SYNPR: variants seen among roughly 807,000 people sequenced by gnomAD.
SYNPR encodes the protein synaptoporin.
SYNPR carries 23 observed loss-of-function variants against 32.9 expected under a neutral mutation model. That is an observed-to-expected ratio of 0.70 (90% CI 0.50 to 0.99). The LOEUF is 0.99. SYNPR is among the 50% of genes least tolerant of loss of function. SYNPR has a pLI of 0.00. For missense variants in SYNPR, 318 were observed against 349.3 expected, an observed-to-expected ratio of 0.91 and a Z score of 0.71; for synonymous variants, 146 against 135.9, an observed-to-expected ratio of 1.07 and a Z score of -0.52.
intron 2 of SYNPR, among the ~76,000 whole-genome samples, chr3:63,395,473 A>T (rs981952371): frequency 1.3e-5 from 2 of 152,170 alleles, no homozygotes; most frequent in African/African-American, 4.8e-5. Context: ...GCACTGTGCT[A>T]AGCACTTTAT....
intron 4 of SYNPR, among the ~76,000 whole-genome samples, chr3:63,602,309 G>A (rs575782805): frequency 7.8e-6 from 1 of 128,262 alleles, no homozygotes; most frequent in South Asian, 2.8e-4. Context: ...TGTTTACTCT[G>A]TTGATAGTTT....
intron 3 of SYNPR, among the ~76,000 whole-genome samples, chr3:63,516,453 A>C (rs1701801900): frequency 6.6e-6 from 1 of 152,160 alleles, no homozygotes; most frequent in African/African-American, 2.4e-5. Context: ...GGCCACTAGA[A>C]AACAATCACT....
chr3:63,484,295 T>C (rs1027996691), intron 3 of SYNPR, among the ~76,000 whole-genome samples: 3 of 152,174 alleles, frequency 2.0e-5, no homozygotes, highest in African/African-American at 7.2e-5. Context: ...TTTTCTCATC[T>C]GCAATAATAT....
At chr3:63,551,830 C>A (rs1702505912) in intron 3 of SYNPR, among the ~76,000 whole-genome samples, 1 of 152,038 alleles carries the variant, frequency 6.6e-6, no homozygotes, top group Admixed American at 6.6e-5. Context: ...GGCACCATTC[C>A]ATCTCTTCTT....
chr3:63,524,152 A>C (rs1413250341), intron 3 of SYNPR, among the ~76,000 whole-genome samples: 1 of 152,190 alleles, frequency 6.6e-6, no homozygotes, highest in Non-Finnish European at 1.5e-5. Flanking sequence ...TCATAAGTAG[A>C]AAGCCAGCAT....
At chr3:63,306,795 A>G (rs1337032635) in intron 2 of SYNPR, among the ~76,000 whole-genome samples, 2 of 152,024 alleles carry the variant, frequency 1.3e-5, no homozygotes, top group Admixed American at 6.6e-5. Context: ...TCAGTTTGAC[A>G]TCAACCTGGC....
chr3:63,211,755 T>C, the SYNPR span, among the ~76,000 whole-genome samples: 1 of 147,054 alleles, frequency 6.8e-6, no homozygotes, highest in Non-Finnish European at 1.5e-5. Flanking sequence ...CATGTGCACA[T>C]TGTGCAGGTT....
At chr3:63,610,560 T>G in intron 5 of SYNPR, 1 of 689,952 alleles carries the variant, frequency 1.4e-6, no homozygotes, top group Non-Finnish European at 2.6e-6. Flanking sequence ...TTTGGTGAGA[T>G]AGTAACCATG....
chr3:63,445,099 T>C (rs1700250303), intron 2 of SYNPR, among the ~76,000 whole-genome samples: 2 of 152,060 alleles, frequency 1.3e-5, no homozygotes, highest in African/African-American at 2.4e-5. Context: ...TAATATTTTA[T>C]ATAATATATT....
chr3:63,327,088 A>C (rs150772778), intron 2 of SYNPR, among the ~76,000 whole-genome samples: 3 of 152,206 alleles, frequency 2.0e-5, no homozygotes, highest in African/African-American at 7.2e-5. Context: ...ATTACTAACT[A>C]TGTAAAAGTT....
At chr3:63,493,815 C>CAAAAAAAAAA (rs3083190) in intron 3 of SYNPR, among the ~76,000 whole-genome samples, 1 of 75,094 alleles carries the variant, frequency 1.3e-5, no homozygotes, top group African/African-American at 5.5e-5. Context: ...GACTCTGTCT[C>CAAAAAAAAAA]AAAAAAAAAA....
rs539839405 is a variant in SYNPR, at chr3:63,264,735, A to C, written n.155-2582A>C. Among the ~76,000 whole-genome samples, 3 of 152,214 alleles carry C rather than the reference A, an allele frequency of 2.0e-5. No homozygotes were observed. The East Asian group carries it at 5.8e-4, about 29-fold the overall frequency. Reference sequence around the variant, plus strand: ...AGGTTCAATTGACTCACAGTTCTGCATGGCTGTGGAGGCCTCAGGAAACTT... The same window carrying C: ...AGGTTCAATTGACTCACAGTTCTGCCTGGCTGTGGAGGCCTCAGGAAACTT... On this transcript the variant is annotated intron_variant and non_coding_transcript_variant, in intron 2 of 4. Coordinates refer to the SYNPR transcript ENST00000478456.
At chr3:63,209,250 G>A in the SYNPR span, among the ~76,000 whole-genome samples, 5 of 150,564 alleles carry the variant, frequency 3.3e-5, no homozygotes, top group South Asian at 2.1e-4. Flanking sequence ...CCCGGGGGGC[G>A]GAGCCTGCAG....
At chr3:63,436,799 G>A (rs528602049) in intron 2 of SYNPR, among the ~76,000 whole-genome samples, 4 of 152,154 alleles carry the variant, frequency 2.6e-5, no homozygotes, top group African/African-American at 7.2e-5. Flanking sequence ...TGCCTCAATC[G>A]GATTTCCATA....
At chr3:63,456,765 G>A (rs759602800) in intron 2 of SYNPR, among the ~76,000 whole-genome samples, 17 of 151,806 alleles carry the variant, frequency 1.1e-4, no homozygotes, top group Admixed American at 2.0e-4. Flanking sequence ...AGGTCTTGCC[G>A]CTTGTCCCAT....
intron 1 of SYNPR, among the ~76,000 whole-genome samples, chr3:63,243,074 G>T (rs1007363073): frequency 6.6e-6 from 1 of 152,034 alleles, no homozygotes; most frequent in Admixed American, 6.6e-5. Context: ...GCAGAAAATA[G>T]GAAGACAGCA....
intron 2 of SYNPR, among the ~76,000 whole-genome samples, chr3:63,380,979 T>C (rs2107068213): frequency 6.6e-6 from 1 of 152,270 alleles, no homozygotes; most frequent in Admixed American, 6.5e-5. Context: ...AGCATTCCCT[T>C]TGAACACTGG....
At chr3:63,287,191 T>A (rs926151734) in intron 2 of SYNPR, among the ~76,000 whole-genome samples, 1 of 152,198 alleles carries the variant, frequency 6.6e-6, no homozygotes, top group Non-Finnish European at 1.5e-5. Context: ...CTCACCCTTT[T>A]AACTCTCATA....
At chr3:63,585,328 A>G (rs1274991854) in intron 4 of SYNPR, among the ~76,000 whole-genome samples, 5 of 152,098 alleles carry the variant, frequency 3.3e-5, no homozygotes, top group African/African-American at 1.2e-4. Flanking sequence ...AAGGAAATAT[A>G]TGATCACTTT....
Sources: gnomAD v4.1 joint callset for allele counts (sites outside exome capture counted in the v4.1 genomes callset) on GRCh38, gnomAD v4.1.1 for gene constraint, MANE v1.5 for transcripts, NCBI Gene and HGNC (gene_info 2026-07-23, HGNC 2026-07-21) for gene names.